The following PPP1R37 variants were observed in gnomAD, a reference collection of about 807,000 sequenced individuals.
PPP1R37 encodes the protein leucine rich repeat containing 68.
Under a neutral mutation model 61.0 loss-of-function variants are expected in PPP1R37, and 21 were observed. The ratio of observed to expected loss-of-function variants is 0.34; its 90% confidence interval spans 0.24 to 0.50. The LOEUF is 0.50. Among genes scored for constraint, PPP1R37 ranks in the 20% least tolerant of loss-of-function variants. The pLI is 0.98. For missense variants in PPP1R37, 910 were observed against 952.7 expected (o/e 0.96, Z 0.59); for synonymous variants, 443 against 433.5 (o/e 1.02, Z -0.27).
intron 5 of PPP1R37, among the ~76,000 whole-genome samples, chr19:45,141,772 G>C (rs553815163): frequency 6.6e-6 from 1 of 152,350 alleles, no homozygotes; most frequent in East Asian, 1.9e-4. Flanking sequence ...GGAGGGACGG[G>C]ACGGGGCTAT....
At chr19:45,095,371 A>G (rs1298628609) in intron 1 of PPP1R37, among the ~76,000 whole-genome samples, 1 of 148,828 alleles carries the variant, frequency 6.7e-6, no homozygotes, top group Non-Finnish European at 1.5e-5. Context: ...TCCCGACCTC[A>G]GGTGATCTGC....
intron 2 of PPP1R37, 46 bp from the exon 3 acceptor site, chr19:45,140,190 C>G: frequency 6.6e-7 from 1 of 1,508,134 alleles, no homozygotes; most frequent in Non-Finnish European, 8.9e-7. Flanking sequence ...TCGGCTGCCC[C>G]CCTGTTCAAG....
intron 1 of PPP1R37, among the ~76,000 whole-genome samples, chr19:45,116,508 G>A (rs1388674299): frequency 6.6e-6 from 1 of 152,244 alleles, no homozygotes; most frequent in Non-Finnish European, 1.5e-5. Flanking sequence ...GGAAACTGCA[G>A]GACTCACGGC....
Position 45,145,913 on chromosome 19 carries a change from G to A in PPP1R37, c.1857G>A (p.Glu619=), listed in dbSNP as rs1968691753. 5 of 1,534,164 alleles carry A rather than the reference G, an allele frequency of 3.3e-6. No homozygotes were observed. The highest frequency in any genetic ancestry group is 4.4e-6 in the Non-Finnish European group (5 of 1,146,356). ...AIDTRDTGSS[E]PQPPPEPPRS... is the part of the protein sequence containing the mutation. ...ACACCCGGGACACAGGGTCCTCTGA[G>A]CCTCAGCCACCACCGGAGCCGCCTC... is the stretch of plus-strand genomic sequence containing the variant. Residue 619 remains glutamate, a synonymous_variant, in exon 11 of 13, where the codon GAG becomes GAA. Coordinates refer to ENST00000221462, the MANE Select transcript of PPP1R37 (RefSeq NM_019121.2).
chr19:45,133,020 A>G (rs141926916), intron 1 of PPP1R37, among the ~76,000 whole-genome samples: 1 of 152,344 alleles, frequency 6.6e-6, no homozygotes, highest in Non-Finnish European at 1.5e-5. Flanking sequence ...GCTTTGCTCA[A>G]GAGTTTGAGT....
intron 1 of PPP1R37, among the ~76,000 whole-genome samples, chr19:45,107,973 A>G (rs1968154327): frequency 6.6e-6 from 1 of 152,336 alleles, no homozygotes; most frequent in Non-Finnish European, 1.5e-5. Flanking sequence ...TAGATAATGC[A>G]GTGATGTTCG....
In PPP1R37 at chr19:45,141,448, G is replaced by A. The variant is rs1482503281; in HGVS notation, c.567+7G>A. On this transcript the variant is annotated splice_region_variant and intron_variant, in intron 5 of 12. Coordinates refer to ENST00000221462, the MANE Select transcript of PPP1R37 (RefSeq NM_019121.2). ...CGCCCACATGATGCGCAAGGTGGGC[G>A]CCTCTCGGCTTCCAGGAAGAGGCAG... 1.0e-5 allele frequency: 16 copies of A among 1,533,976 alleles called. No homozygotes were observed. The highest frequency in any genetic ancestry group is 4.1e-5 in the African/African-American group (3 of 72,892).
Position 45,093,449 on chromosome 19 carries a change from G to T in PPP1R37, c.124G>T (p.Ala42Ser). ...CCCCGCCGATGGGCGCCTCAAGGCT[G>T]CAGCCAAGCGCGTCACATTCCCGTC... ...SPPADGRLKA[A>S]AKRVTFPSDE... is the part of the protein sequence containing the mutation. The change falls in exon 1 of 13, where the codon GCA becomes TCA. Residue 42 changes from alanine (A) to serine (S), a missense_variant. This residue lies in a region of PPP1R37 where 81 missense variants were observed against 65.4 expected (regional missense o/e 1.24). Coordinates refer to ENST00000221462, the MANE Select transcript of PPP1R37 (RefSeq NM_019121.2). 1 of 1,535,526 alleles carries T rather than the reference G, an allele frequency of 6.5e-7. No individual in the cohort carries two copies. Among genetic ancestry groups the T allele is most frequent in the South Asian group, 1.2e-5 (1 of 84,044 alleles).
chr19:45,141,232 C>T (rs527735967), intron 4 of PPP1R37, 90 bp from the exon 5 acceptor site: 3 of 1,405,160 alleles, frequency 2.1e-6, no homozygotes, highest in East Asian at 2.5e-5. Context: ...CTGGACCCAT[C>T]GTCTCTCGGT....
chr19:45,143,217 T>G, intron 7 of PPP1R37: 8 of 300,334 alleles, frequency 2.7e-5, no homozygotes, highest in East Asian at 7.7e-5. Context: ...GGGATCTGCA[T>G]TGGAGGGAGA....
intron 1 of PPP1R37, among the ~76,000 whole-genome samples, chr19:45,111,558 G>A (rs1968201080): frequency 1.3e-5 from 2 of 152,204 alleles, no homozygotes; most frequent in Admixed American, 1.3e-4. Context: ...TTACAGGCAT[G>A]GGCCACCTTG....
chr19:45,104,240 A>G (rs530438313), intron 1 of PPP1R37, among the ~76,000 whole-genome samples: 1 of 151,950 alleles, frequency 6.6e-6, no homozygotes, highest in Non-Finnish European at 1.5e-5. Flanking sequence ...CTCTGTTGTT[A>G]TTTGTTCGGG....
intron 1 of PPP1R37, among the ~76,000 whole-genome samples, chr19:45,135,507 C>G (rs1287799934): frequency 6.6e-6 from 1 of 152,216 alleles, no homozygotes; most frequent in South Asian, 2.1e-4. Flanking sequence ...AAAACAGCTA[C>G]GCTTCTCTTC....
intron 11 of PPP1R37, 71 bp from the exon 12 acceptor site, chr19:45,146,319 G>A: frequency 7.1e-7 from 1 of 1,412,334 alleles, no homozygotes; most frequent in Non-Finnish European, 9.6e-7. Flanking sequence ...GGTCTGGCTG[G>A]GGCCGGGCTG....
At chr19:45,140,100 C>G (rs1166070700) in intron 2 of PPP1R37, 136 bp from the exon 3 acceptor site, 3 of 707,680 alleles carry the variant, frequency 4.2e-6, no homozygotes. Context: ...TGGGTGGCCT[C>G]TGAGCCTCTG....
At chr19:45,142,693 C>T (rs559188704) in intron 7 of PPP1R37, 1 of 544,974 alleles carries the variant, frequency 1.8e-6, no homozygotes, top group Middle Eastern at 4.8e-4. Context: ...GGGAGGGCTT[C>T]CAGGAGGAGG....
chr19:45,142,456 C>T lies in PPP1R37; in HGVS notation c.872C>T (p.Ser291Leu), dbSNP rs1968626524. 11 of 1,535,842 alleles carry T rather than the reference C, an allele frequency of 7.2e-6. No homozygotes were observed. Among genetic ancestry groups the T allele is most frequent in the South Asian group, 1.2e-5 (1 of 84,058 alleles). Residue 291 changes from serine to leucine, a missense_variant and splice_region_variant, in exon 7 of 13, where the codon TCG becomes TTG. By Grantham distance (145) the Ser-to-Leu change is moderately radical. Coordinates refer to ENST00000221462, the MANE Select transcript of PPP1R37 (RefSeq NM_019121.2). ...CTCCGGAACAACCACGTGCTAGACT[C>T]GGGTGGGTGCAGTGGCCCACCCCAC... ...LDLRNNHVLDSGLAYICEGLK... is the reference protein window; with the variant it reads ...LDLRNNHVLDLGLAYICEGLK...
At chr19:45,114,108 GTCAGTC>G (rs1163225705) in intron 1 of PPP1R37, among the ~76,000 whole-genome samples, 8 of 152,266 alleles carry the variant, frequency 5.3e-5, no homozygotes, top group African/African-American at 1.7e-4. Flanking sequence ...GTCTTTGTGT[GTCAGTC>G]TCAGTCTCAT....
Position 45,145,422 on chromosome 19 carries a change from G to C in PPP1R37, c.1366G>C (p.Val456Leu), listed in dbSNP as rs1260005381. ...CCAGAACGGCTGCAAGCGCAACTTGGTGCTGGCGCGGGAGAGGGAGGAGAA... is the reference window on the plus strand; with the variant it reads ...CCAGAACGGCTGCAAGCGCAACTTGCTGCTGGCGCGGGAGAGGGAGGAGAA... ...EIQNGCKRNL[V>L]LAREREEKEQ... The change falls in exon 11 of 13, where the codon GTG (valine) becomes CTG (leucine). Residue 456 changes from valine (V) to leucine (L), a missense_variant. Transcript: ENST00000221462. 2.0e-6 allele frequency: 3 copies of C among 1,535,276 alleles called. No individual in the cohort carries two copies. In the East Asian group the frequency reaches 7.3e-5, roughly 38 times the overall value.
Sources: gnomAD v4.1 joint callset for allele counts (sites outside exome capture counted in the v4.1 genomes callset) on GRCh38, gnomAD v4.1.1 for gene constraint, gnomAD v4.1.1 regional missense constraint, MANE v1.5 for transcripts, NCBI Gene and HGNC (gene_info 2026-07-23, HGNC 2026-07-21) for gene names.